The following BICC1 variants were observed in gnomAD, a reference collection of about 807,000 sequenced individuals.
The protein encoded by BICC1 is protein bicaudal C homolog 1.
A neutral mutation model predicts 111.0 loss-of-function variants in BICC1; 43 were observed. That is an observed-to-expected ratio of 0.39 (90% CI 0.30 to 0.50). The LOEUF (loss-of-function observed/expected upper bound fraction) is 0.50, where lower values mean the gene tolerates loss of function less well. Ranked by LOEUF, BICC1 falls within the 20% of genes least tolerant of loss-of-function variation. The probability of loss-of-function intolerance (pLI) is 0.88; values close to 1 mark genes in which losing one functional copy is unlikely to be tolerated. For synonymous variants in BICC1, 467 were observed against 434.4 expected (o/e 1.07, Z -0.93); for missense variants, 1,091 against 1,203.2 (o/e 0.91, Z 1.38).
At chr10:58,786,839 T>TA in intron 4 of BICC1, 84 bp from the exon 5 acceptor site, 2 of 1,091,016 alleles carry the variant, frequency 1.8e-6, no homozygotes, top group South Asian at 5.6e-5. Flanking sequence ...TTTTTGTTAA[T>TA]ACCATTCCCT....
chr10:58,770,480 TA>T (rs151198845), intron 3 of BICC1, among the ~76,000 whole-genome samples: 1,768 of 152,144 alleles, frequency 0.012, 30 homozygotes, highest in African/African-American at 0.04. Flanking sequence ...TCAAATAGTA[TA>T]AAAAAATTTC....
At chr10:58,723,104 T>G (rs1214136505) in intron 3 of BICC1, among the ~76,000 whole-genome samples, 2 of 152,260 alleles carry the variant, frequency 1.3e-5, no homozygotes, top group African/African-American at 4.8e-5. Flanking sequence ...AAACTGTTGA[T>G]TCTGCCAGAC....
intron 18 of BICC1, among the ~76,000 whole-genome samples, chr10:58,815,889 C>A (rs1192561386): frequency 6.6e-6 from 1 of 152,056 alleles, no homozygotes; most frequent in Non-Finnish European, 1.5e-5. Context: ...TGTACAAAGG[C>A]TTTAAAATCT....
chr10:58,794,163 TTTTGTGTG>T (rs1363760960), intron 9 of BICC1, among the ~76,000 whole-genome samples: 1 of 133,300 alleles, frequency 7.5e-6, no homozygotes, highest in East Asian at 2.2e-4. Context: ...TACTTACATG[TTTTGTGTG>T]TGTGTGTGTG....
At chr10:58,528,292 T>A (rs113849028) in intron 1 of BICC1, among the ~76,000 whole-genome samples, 4,230 of 151,882 alleles carry the variant, frequency 0.028, 273 homozygotes, top group Admixed American at 0.15. Context: ...ATCTAGGCCG[T>A]ATGTAGAATG....
At chr10:58,769,398 G>GTATATATATATA (rs1464928653) in intron 3 of BICC1, among the ~76,000 whole-genome samples, 39 of 101,622 alleles carry the variant, frequency 3.8e-4, no homozygotes, top group South Asian at 3.3e-3. Context: ...GTGTGTGTGT[G>GTATATATATATA]TGTGTGTATA....
rs1368231655 is a variant in BICC1, at chr10:58,830,254, A to G, written c.*1363A>G. ...CATTGTTTCCTGGGTCTTTTCAGAGATCTTATAGATTTATGAAGTGTTTTT... is the reference window on the plus strand; with the variant it reads ...CATTGTTTCCTGGGTCTTTTCAGAGGTCTTATAGATTTATGAAGTGTTTTT... On this transcript the variant is annotated 3_prime_UTR_variant, in exon 21 of 21. Coordinates refer to ENST00000373886, the MANE Select transcript of BICC1 (RefSeq NM_001080512.3). 1.3e-5 allele frequency: 2 copies of G among 152,156 alleles called. No individual in the cohort carries two copies. Among genetic ancestry groups the G allele is most frequent in the Non-Finnish European group, 2.9e-5 (2 of 68,012 alleles). 9.4% of individuals were successfully genotyped at this position (152,156 alleles called of 1,614,324 possible). A position where few individuals can be genotyped will look rare whatever the true frequency, so the allele number is the denominator to read the frequency against.
intron 3 of BICC1, among the ~76,000 whole-genome samples, chr10:58,758,676 C>T (rs1378705825): frequency 6.6e-6 from 1 of 152,180 alleles, no homozygotes; most frequent in Non-Finnish European, 1.5e-5. Context: ...GACATTTCTT[C>T]TCATCATCGG....
intron 3 of BICC1, among the ~76,000 whole-genome samples, chr10:58,705,428 G>T (rs1432142559): frequency 6.6e-6 from 1 of 152,150 alleles, no homozygotes; most frequent in African/African-American, 2.4e-5. Context: ...AGTTAATGTG[G>T]ATTAGTTTAG....
At chr10:58,764,351 A>G (rs1312984851) in intron 3 of BICC1, among the ~76,000 whole-genome samples, 1 of 152,200 alleles carries the variant, frequency 6.6e-6, no homozygotes, top group Non-Finnish European at 1.5e-5. Flanking sequence ...AATCTGATTT[A>G]TATGACTGTG....
Position 58,607,239 on chromosome 10 carries a change from C to A in BICC1, c.191-13616C>A, listed in dbSNP as rs906560860. 2.6e-5 allele frequency among the ~76,000 whole-genome samples: 4 copies of A among 151,384 alleles called. No individual in the cohort carries two copies. In the East Asian group the frequency reaches 7.8e-4, roughly 29 times the overall value. On this transcript the variant is annotated intron_variant, in intron 1 of 20. Transcript: ENST00000373886. Reference sequence around the variant, plus strand: ...GCTGAGGCAGGACAATCCCTTGAACCCGGGAGGCGGAGGTTGCAGTGAGCC... The same window carrying A: ...GCTGAGGCAGGACAATCCCTTGAACACGGGAGGCGGAGGTTGCAGTGAGCC...
chr10:58,514,112 C>G (rs1020330160), intron 1 of BICC1, among the ~76,000 whole-genome samples: 1 of 152,238 alleles, frequency 6.6e-6, no homozygotes, highest in African/African-American at 2.4e-5. Context: ...CATACTGGAC[C>G]GAAAACAGAT....
chr10:58,590,352 A>G (rs1276526444), intron 1 of BICC1, among the ~76,000 whole-genome samples: 1 of 152,124 alleles, frequency 6.6e-6, no homozygotes, highest in Non-Finnish European at 1.5e-5. Context: ...TGCTTGTGCT[A>G]AGGAGTTGTG....
chr10:58,711,056 C>T (rs1039600984), intron 3 of BICC1, among the ~76,000 whole-genome samples: 1 of 152,118 alleles, frequency 6.6e-6, no homozygotes, highest in Non-Finnish European at 1.5e-5. Context: ...CTGCATTACC[C>T]AGGCTGGTCT....
intron 3 of BICC1, among the ~76,000 whole-genome samples, chr10:58,721,591 A>G (rs1403266082): frequency 2.6e-5 from 4 of 152,206 alleles, no homozygotes; most frequent in African/African-American, 9.6e-5. Context: ...CAAAAGTATT[A>G]CAGTGATCTC....
intron 2 of BICC1, among the ~76,000 whole-genome samples, chr10:58,639,481 G>A (rs1221017894): frequency 6.8e-6 from 1 of 146,848 alleles, no homozygotes; most frequent in Non-Finnish European, 1.5e-5. Flanking sequence ...TGCAACCTCT[G>A]CCTCCTGGGT....
intron 19 of BICC1, among the ~76,000 whole-genome samples, chr10:58,819,817 G>A (rs1272418898): frequency 2.0e-5 from 3 of 152,092 alleles, no homozygotes; most frequent in African/African-American, 7.2e-5. Context: ...TTCCCTTCAT[G>A]CTTTGTTCCT....
At chr10:58,671,792 C>G (rs369960789) in intron 2 of BICC1, among the ~76,000 whole-genome samples, 5 of 152,146 alleles carry the variant, frequency 3.3e-5, no homozygotes, top group African/African-American at 1.2e-4. Flanking sequence ...AGCTTCTGCA[C>G]TCACTCTTCC....
chr10:58,640,058 G>T (rs1174726570), intron 2 of BICC1, among the ~76,000 whole-genome samples: 1 of 152,042 alleles, frequency 6.6e-6, no homozygotes, highest in Admixed American at 6.6e-5. Flanking sequence ...CCAAATTTTG[G>T]ACAGAAATGG....
Sources: allele counts gnomAD v4.1 joint callset (sites outside exome capture counted in the v4.1 genomes callset), GRCh38; gene constraint gnomAD v4.1.1; transcripts MANE v1.5; gene names NCBI Gene and HGNC (gene_info 2026-07-23, HGNC 2026-07-21).